GTF2E1: variants seen among roughly 807,000 people sequenced by gnomAD.
The protein encoded by GTF2E1 is general transcription factor IIE subunit 1.
Under a neutral mutation model 34.9 loss-of-function variants are expected in GTF2E1, and 14 were observed. The observed-to-expected ratio is 0.40, with a 90% CI of 0.27 to 0.63. The LOEUF (loss-of-function observed/expected upper bound fraction) is 0.63. Among genes scored for constraint, GTF2E1 ranks in the 20% least tolerant of loss-of-function variants. The probability of loss-of-function intolerance (pLI) is 0.39; values close to 1 mark genes in which losing one functional copy is unlikely to be tolerated. For synonymous variants in GTF2E1, 188 were observed against 192.9 expected (o/e 0.97, Z 0.21); for missense variants, 469 against 557.7 (o/e 0.84, Z 1.60).
intron 3 of GTF2E1, among the ~76,000 whole-genome samples, chr3:120,775,200 T>C (rs1709388552): frequency 6.6e-6 from 1 of 151,692 alleles, no homozygotes; most frequent in African/African-American, 2.4e-5. Context: ...GAAGGCAAAA[T>C]AGTGAATGGC....
At position 120,781,528 on chromosome 3, in the gene GTF2E1, C is replaced by A; in HGVS notation, c.*58C>A. 7.3e-7 allele frequency: 1 copy of A among 1,361,972 alleles called. No individual in the cohort carries two copies. The highest frequency in any genetic ancestry group is 1.0e-6 in the Non-Finnish European group (1 of 970,134). 84.4% of individuals were successfully genotyped at this position (1,361,972 alleles called of 1,614,324 possible). On this transcript the variant is annotated 3_prime_UTR_variant, in exon 5 of 5. Coordinates refer to ENST00000283875, the MANE Select transcript of GTF2E1 (RefSeq NM_005513.3). ...CTCAGTTCAAAAAGGAATGTCTCATCTTTGAAGAAAAGTATTTAAGTGGCT... is the reference window on the plus strand; with the variant it reads ...CTCAGTTCAAAAAGGAATGTCTCATATTTGAAGAAAAGTATTTAAGTGGCT...
intron 2 of GTF2E1, among the ~76,000 whole-genome samples, chr3:120,761,505 G>A (rs1709262893): frequency 1.3e-5 from 2 of 152,022 alleles, no homozygotes; most frequent in Non-Finnish European, 2.9e-5. Context: ...TCTTTTAATT[G>A]TGATGTTAGG....
chr3:120,771,053 G>T, intron 3 of GTF2E1, 124 bp downstream of exon 3: 1 of 783,356 alleles, frequency 1.3e-6, no homozygotes, highest in Non-Finnish European at 2.2e-6. Context: ...ATGTTACGTA[G>T]GTTCTCAGTT....
intron 2 of GTF2E1, among the ~76,000 whole-genome samples, chr3:120,761,327 T>G (rs1709261252): frequency 6.6e-6 from 1 of 152,192 alleles, no homozygotes; most frequent in African/African-American, 2.4e-5. Flanking sequence ...TTTATTAGTC[T>G]GGCTAGCAGT....
At chr3:120,750,431 C>A (rs1216884356) in intron 1 of GTF2E1, 92 bp from the exon 2 acceptor site, 34 of 737,836 alleles carry the variant, frequency 4.6e-5, no homozygotes, top group Non-Finnish European at 1.9e-5. Flanking sequence ...TCTTTTTAAA[C>A]ACTTTGGGTA....
chr3:120,758,380 G>C (rs1709228339), intron 2 of GTF2E1, among the ~76,000 whole-genome samples: 2 of 151,976 alleles, frequency 1.3e-5, no homozygotes, highest in African/African-American at 2.4e-5. Flanking sequence ...AAGCCCTTTA[G>C]AAATCTAACA....
chr3:120,766,714 T>A (rs994122664), intron 2 of GTF2E1, among the ~76,000 whole-genome samples: 4 of 152,142 alleles, frequency 2.6e-5, no homozygotes, highest in African/African-American at 9.7e-5. Context: ...ATGTACTTTA[T>A]TTTTTGCACT....
At chr3:120,765,561 C>G (rs1344779215) in intron 2 of GTF2E1, among the ~76,000 whole-genome samples, 1 of 152,126 alleles carries the variant, frequency 6.6e-6, no homozygotes, top group Non-Finnish European at 1.5e-5. Flanking sequence ...ATGTATAATT[C>G]AGGATAGTAT....
At chr3:120,774,398 A>G (rs1248652463) in intron 3 of GTF2E1, among the ~76,000 whole-genome samples, 1 of 152,150 alleles carries the variant, frequency 6.6e-6, no homozygotes, top group East Asian at 1.9e-4. Flanking sequence ...AAGAAGAGAA[A>G]AGTTCGAAAA....
At chr3:120,778,702 TCTGGTTTTTA>T (rs1306949319) in intron 4 of GTF2E1, among the ~76,000 whole-genome samples, 2 of 152,202 alleles carry the variant, frequency 1.3e-5, no homozygotes, top group African/African-American at 4.8e-5. Context: ...CCAGTATCTT[TCTGGTTTTTA>T]CTTGAGATTT....
intron 2 of GTF2E1, among the ~76,000 whole-genome samples, chr3:120,753,672 T>C (rs1434675505): frequency 1.3e-5 from 2 of 152,208 alleles, no homozygotes; most frequent in African/African-American, 4.8e-5. Flanking sequence ...CTGCAAATTC[T>C]GGACCCAGGA....
intron 2 of GTF2E1, among the ~76,000 whole-genome samples, chr3:120,762,990 C>T (rs893772117): frequency 6.6e-6 from 1 of 152,122 alleles, no homozygotes; most frequent in Non-Finnish European, 1.5e-5. Context: ...TGGGACCCCT[C>T]AGTTATAGTA....
At chr3:120,780,754 T>G (rs1709439775) in intron 4 of GTF2E1, among the ~76,000 whole-genome samples, 1 of 152,188 alleles carries the variant, frequency 6.6e-6, no homozygotes, top group Non-Finnish European at 1.5e-5. Context: ...AAAAAGGTAT[T>G]GAAGTTTAGA....
At chr3:120,762,857 T>C (rs1329865169) in intron 2 of GTF2E1, among the ~76,000 whole-genome samples, 3 of 152,200 alleles carry the variant, frequency 2.0e-5, no homozygotes, top group Admixed American at 6.5e-5. Context: ...AGTTTTATAC[T>C]TACTCTTTGA....
rs1709457376 is a variant in GTF2E1, at chr3:120,782,586, C to G, written c.*1116C>G. The G allele has an allele frequency of 6.6e-6, 1 of 152,214 alleles. No homozygotes were observed. The highest frequency in any genetic ancestry group is 2.4e-5 in the African/African-American group (1 of 41,456). 9.4% of individuals were successfully genotyped at this position (152,214 alleles called of 1,614,324 possible). On this transcript the variant is annotated 3_prime_UTR_variant, in exon 5 of 5. Transcript: ENST00000283875. ...TGATTTGGAAATCCTTTATGTAAAG[C>G]TGAGACTGGTCCTGGTTTTGTTCCC...
At chr3:120,778,419 A>G (rs903998428) in intron 4 of GTF2E1, among the ~76,000 whole-genome samples, 2 of 152,156 alleles carry the variant, frequency 1.3e-5, no homozygotes, top group Non-Finnish European at 2.9e-5. Flanking sequence ...TTAACACTTG[A>G]TTTTCCTCAA....
At chr3:120,780,437 A>G (rs1171760297) in intron 4 of GTF2E1, among the ~76,000 whole-genome samples, 1 of 152,206 alleles carries the variant, frequency 6.6e-6, no homozygotes, top group Non-Finnish European at 1.5e-5. Flanking sequence ...CAGAGGGAAC[A>G]GGTAATGCAA....
At chr3:120,744,481 C>T (rs1374304290) in intron 1 of GTF2E1, among the ~76,000 whole-genome samples, 1 of 152,216 alleles carries the variant, frequency 6.6e-6, no homozygotes, top group African/African-American at 2.4e-5. Flanking sequence ...TCCTCAAAGA[C>T]ACTTCTAAAA....
intron 2 of GTF2E1, among the ~76,000 whole-genome samples, chr3:120,752,422 G>A (rs901038845): frequency 1.1e-4 from 17 of 152,126 alleles, no homozygotes; most frequent in Non-Finnish European, 2.5e-4. Context: ...TTTTAACAGT[G>A]GAGGCTTCAT....
Sources: allele counts gnomAD v4.1 joint callset (sites outside exome capture counted in the v4.1 genomes callset), GRCh38; gene constraint gnomAD v4.1.1; transcripts MANE v1.5; gene names NCBI Gene and HGNC (gene_info 2026-07-23, HGNC 2026-07-21).